NOBOX: variants seen among roughly 807,000 people sequenced by gnomAD.
NOBOX encodes the protein homeobox protein NOBOX.
In NOBOX, 46 loss-of-function variants were observed where a neutral mutation model predicts 60.2. That is an observed-to-expected ratio of 0.76 (90% CI 0.60 to 0.98). The LOEUF is 0.98. Ranked by LOEUF, NOBOX falls within the 50% of genes least tolerant of loss-of-function variation. NOBOX has a pLI of 0.00. For missense variants in NOBOX, 880 were observed against 865.5 expected (o/e 1.02, Z -0.21); for synonymous variants, 360 against 346.3 (o/e 1.04, Z -0.44).
In NOBOX at chr7:144,397,371, G is replaced by C. The variant is rs1167011445; in HGVS notation, c.1945C>G (p.Pro649Ala). The C allele has an allele frequency of 6.5e-7, 1 of 1,537,258 alleles. No homozygotes were observed. Among genetic ancestry groups the C allele is most frequent in the Non-Finnish European group, 8.7e-7 (1 of 1,146,900 alleles). Residue 649 changes from proline (P) to alanine (A), a missense_variant, in exon 10 of 10, where the codon CCT (proline) becomes GCT (alanine). Physicochemically the swap from Pro to Ala is conservative, Grantham distance 27 (BLOSUM62 -1). Coordinates refer to ENST00000467773, the MANE Select transcript of NOBOX (RefSeq NM_001080413.3). ...CCAGTCCCTGGTCTGGCCCCTTCAG[G>C]CATCCATGAGAGAGCTGACGAAGGC...
At chr7:144,407,760 C>T (rs566674663) in intron 1 of NOBOX, among the ~76,000 whole-genome samples, 1 of 152,306 alleles carries the variant, frequency 6.6e-6, no homozygotes, top group African/African-American at 2.4e-5. Context: ...TGGAAACTGC[C>T]GGGCAGGGCC....
At chr7:144,406,564 G>A (rs202153928) in intron 1 of NOBOX, among the ~76,000 whole-genome samples, 35 of 149,392 alleles carry the variant, frequency 2.3e-4, no homozygotes, top group Non-Finnish European at 2.1e-4. Context: ...TCTCAAAAAA[G>A]AAAAAAAAAA....
chr7:144,402,796 G>A (rs982073835), intron 2 of NOBOX, among the ~76,000 whole-genome samples: 4 of 116,190 alleles, frequency 3.4e-5, no homozygotes, highest in Non-Finnish European at 4.8e-5. Context: ...TCGCTCCGTC[G>A]CCCAGGCTGC....
At chr7:144,410,127 C>T (rs1243739490) in intron 1 of NOBOX, 28 of 1,535,702 alleles carry the variant, frequency 1.8e-5, no homozygotes, top group Non-Finnish European at 2.4e-5. Flanking sequence ...CTGTTGCTTC[C>T]AGGACATGAG....
At chr7:144,399,268 G>C (rs2053919003) in intron 7 of NOBOX, 90 bp from the exon 6 acceptor site, 2 of 942,056 alleles carry the variant, frequency 2.1e-6, no homozygotes, top group African/African-American at 3.3e-5. Flanking sequence ...GCCATGCCCA[G>C]GTCCCCCTGA....
Position 144,398,997 on chromosome 7 carries a change from GC to G in NOBOX, c.1421del (p.Gly474AlafsTer76). ...GGCCGTCCTTGTGGCTGCTGTCACTGCCAGCAACATCCATCAGCAGTGGCAT... is the reference window on the plus strand; with the variant it reads ...GGCCGTCCTTGTGGCTGCTGTCACTGCAGCAACATCCATCAGCAGTGGCAT... On this transcript the variant is annotated frameshift_variant, in exon 8 of 10. Coordinates refer to ENST00000467773, the MANE Select transcript of NOBOX (RefSeq NM_001080413.3). LOFTEE classifies it high-confidence loss of function. 6.3e-7 allele frequency: 1 copy of G among 1,583,136 alleles called. No homozygotes were observed. The highest frequency in any genetic ancestry group is 8.6e-7 in the Non-Finnish European group (1 of 1,164,990).
chr7:144,399,563 A>G (rs2053921221), intron 6 of NOBOX, 81 bp from the exon 5 acceptor site: 4 of 1,268,374 alleles, frequency 3.2e-6, no homozygotes, highest in East Asian at 2.5e-5. Context: ...AGAGACACCA[A>G]TTCCCAAACT....
rs762752454 is a variant in NOBOX at position 144,400,200 on chromosome 7, C to T, written c.957G>A (p.Lys319=). 3.3e-5 allele frequency: 54 copies of T among 1,613,946 alleles called. No homozygotes were observed. Among genetic ancestry groups the T allele is most frequent in the Non-Finnish European group, 4.6e-5 (54 of 1,179,914 alleles). Reference sequence around the variant, plus strand: ...ACCCTGCCACCAGTGAGCCGGCCCCCTTTACCATGATGCGCTGGGGGGTCA... The same window carrying T: ...ACCCTGCCACCAGTGAGCCGGCCCCTTTTACCATGATGCGCTGGGGGGTCA... The change falls in exon 5 of 10, where the codon AAG becomes AAA. Residue 319 remains lysine (K), a synonymous_variant. Transcript: ENST00000467773.
At chr7:144,408,236 C>CTT (rs540515599) in intron 1 of NOBOX, among the ~76,000 whole-genome samples, 2 of 140,592 alleles carry the variant, frequency 1.4e-5, no homozygotes, top group East Asian at 2.1e-4. Context: ...CAGCATGAAA[C>CTT]TTTTTTTTTT....
chr7:144,404,351 G>A lies in NOBOX; in HGVS notation c.210+205C>T, dbSNP rs548985350. ...CAACCTCTGCCTCCCGGGTTCAAGC[G>A]ATTCTCCTGCCTCAGCCTCGCGAGT... is the stretch of plus-strand genomic sequence containing the variant. On this transcript the variant is annotated intron_variant, in intron 2 of 9. Coordinates refer to ENST00000467773, the MANE Select transcript of NOBOX (RefSeq NM_001080413.3). Among the ~76,000 whole-genome samples, 14 of 152,076 alleles carry A rather than the reference G, an allele frequency of 9.2e-5. No individual in the cohort carries two copies. In the South Asian group the frequency reaches 2.8e-3, roughly 30 times the overall value.
chr7:144,404,515 C>T (rs987939830), intron 2 of NOBOX: 16 of 1,575,658 alleles, frequency 1.0e-5, no homozygotes, highest in Admixed American at 5.3e-5. Flanking sequence ...TCCCAAACTG[C>T]TGGAATTACA....
intron 2 of NOBOX, chr7:144,402,090 C>G (rs534100362): frequency 1.6e-6 from 1 of 639,056 alleles, no homozygotes; most frequent in Non-Finnish European, 2.8e-6. Flanking sequence ...CTCCAGCAGC[C>G]GAGGCAAGAG....
chr7:144,398,153 T>C (rs2053906622), intron 9 of NOBOX, 129 bp downstream of exon 7: 1 of 809,450 alleles, frequency 1.2e-6, no homozygotes, highest in Non-Finnish European at 2.1e-6. Context: ...TTAATAGAAC[T>C]AGGGGCAAAC....
At chr7:144,397,651 T>G (rs1433658578) in intron 9 of NOBOX, 110 bp from the exon 8 acceptor site, 1 of 938,918 alleles carries the variant, frequency 1.1e-6, no homozygotes, top group African/African-American at 1.7e-5. Flanking sequence ...TAGACGCAGC[T>G]TAGGACCTCA....
chr7:144,405,674 TG>T (rs1215128582), intron 1 of NOBOX, among the ~76,000 whole-genome samples: 2 of 152,160 alleles, frequency 1.3e-5, no homozygotes, highest in Non-Finnish European at 1.5e-5. Context: ...GTTGCCCACC[TG>T]GGTATTTCAG....
Position 144,400,119 on chromosome 7 carries a change from C to T in NOBOX, c.1038G>A (p.Ala346=), listed in dbSNP as rs896539863. The change falls in exon 5 of 10, where the codon GCG becomes GCA. Residue 346 remains alanine (A), a synonymous_variant. Transcript: ENST00000467773. ...TCAATTCAGCTCCTACCCAGGCTAC[C>T]GCTGAGCGCTCACTCTGCAATTCGA... The T allele has an allele frequency of 1.1e-5, 17 of 1,612,476 alleles. No homozygotes were observed. Among genetic ancestry groups the T allele is most frequent in the African/African-American group, 5.3e-5 (4 of 74,936 alleles).
chr7:144,404,533 G>T lies in NOBOX; in HGVS notation c.210+23C>A, dbSNP rs764961142. The T allele has an allele frequency of 5.0e-6, 8 of 1,606,164 alleles. No individual in the cohort carries two copies. In the African/African-American group the frequency reaches 1.1e-4, roughly 21 times the overall value. Reference sequence around the variant, plus strand: ...CAAACTGCTGGAATTACAGGCGTGAGCCACAGCGCTCGCCCCCCGTACTGA... The same window carrying T: ...CAAACTGCTGGAATTACAGGCGTGATCCACAGCGCTCGCCCCCCGTACTGA... On this transcript the variant is annotated intron_variant, in intron 2 of 9. Transcript: ENST00000467773.
At chr7:144,404,702 CTG>C in intron 1 of NOBOX, 6 of 1,610,758 alleles carry the variant, frequency 3.7e-6, no homozygotes, top group Non-Finnish European at 5.1e-6. Context: ...GGTGTGGTTA[CTG>C]TGTTTCCATC....
At chr7:144,402,580 C>G (rs1000047551) in intron 2 of NOBOX, among the ~76,000 whole-genome samples, 1 of 151,970 alleles carries the variant, frequency 6.6e-6, no homozygotes, top group Non-Finnish European at 1.5e-5. Flanking sequence ...ATCAAATGAT[C>G]CCCCCACTTT....
Sources: gnomAD v4.1 joint callset for allele counts (sites outside exome capture counted in the v4.1 genomes callset) on GRCh38, gnomAD v4.1.1 for gene constraint, MANE v1.5 for transcripts, NCBI Gene and HGNC (gene_info 2026-07-23, HGNC 2026-07-21) for gene names.